TEX15: variants seen among roughly 807,000 people sequenced by gnomAD.
TEX15 encodes the protein testis expressed 15, meiosis and synapsis associated.
In TEX15, 171 loss-of-function variants were observed where a neutral mutation model predicts 237.3. That is an observed-to-expected ratio of 0.72 (90% CI 0.64 to 0.82). The LOEUF (loss-of-function observed/expected upper bound fraction) is 0.82, where lower values mean the gene tolerates loss of function less well. TEX15 is among the 40% of genes least tolerant of loss of function. The pLI is 0.00. For synonymous variants in TEX15, 1,338 were observed against 1,269.8 expected, an observed-to-expected ratio of 1.05 and a Z score of -1.14; for missense variants, 3,750 against 3,646.5, an observed-to-expected ratio of 1.03 and a Z score of -0.73.
At chr8:30,858,016 C>A (rs1359783698) in intron 7 of TEX15, among the ~76,000 whole-genome samples, 3 of 152,024 alleles carry the variant, frequency 2.0e-5, no homozygotes, top group African/African-American at 7.3e-5. Flanking sequence ...AATTCTTGCA[C>A]ATATGCCATG....
intron 3 of TEX15, among the ~76,000 whole-genome samples, chr8:30,876,667 A>G (rs1808404928): frequency 6.6e-6 from 1 of 152,152 alleles, no homozygotes. Context: ...TTTTCTCTGT[A>G]AGGCATATCA....
At chr8:30,871,211 C>G (rs1276007427) in intron 4 of TEX15, among the ~76,000 whole-genome samples, 1 of 152,012 alleles carries the variant, frequency 6.6e-6, no homozygotes, top group African/African-American at 2.4e-5. Flanking sequence ...CCTGCAAAGT[C>G]CTTTCTGCTA....
Position 30,845,226 on chromosome 8 carries a change from A to C in TEX15, c.4941T>G (p.Thr1647=). 1 of 1,613,582 alleles carries C rather than the reference A, an allele frequency of 6.2e-7. No homozygotes were observed. Among genetic ancestry groups the C allele is most frequent in the Non-Finnish European group, 8.5e-7 (1 of 1,179,552 alleles). Reference sequence around the variant, plus strand: ...AATCTAAGACTGATATAAGTACGTCAGTTTTCGCCTTTGTGTGACCTATGC... The same window carrying C: ...AATCTAAGACTGATATAAGTACGTCCGTTTTCGCCTTTGTGTGACCTATGC... ...ATCIGHTKAK[T]DVLISVLDSN... is the part of the protein sequence containing the mutation. The change falls in exon 8 of 11, where the codon ACT becomes ACG. Residue 1647 remains threonine (T), a synonymous_variant. Transcript: ENST00000643185.
intron 2 of TEX15, among the ~76,000 whole-genome samples, chr8:30,890,799 C>G (rs375720518): frequency 3.0e-4 from 46 of 151,944 alleles, no homozygotes; most frequent in African/African-American, 1.1e-3. Flanking sequence ...CCTTTGAAAA[C>G]TTGGTAAATA....
chr8:30,895,675 G>GTT (rs1563276129), intron 2 of TEX15, among the ~76,000 whole-genome samples: 2 of 76,968 alleles, frequency 2.6e-5, no homozygotes, highest in African/African-American at 2.0e-4. Context: ...TTAAACACAT[G>GTT]CTTTTTTTTT....
chr8:30,907,774 CAAA>C (rs35997250), intron 1 of TEX15, among the ~76,000 whole-genome samples: 2 of 111,562 alleles, frequency 1.8e-5, no homozygotes, highest in Non-Finnish European at 3.6e-5. Context: ...ATAATTACAC[CAAA>C]AAAAAAAAAA....
At chr8:30,904,745 C>A (rs1263956825) in intron 1 of TEX15, among the ~76,000 whole-genome samples, 1 of 152,172 alleles carries the variant, frequency 6.6e-6, no homozygotes, top group African/African-American at 2.4e-5. Flanking sequence ...ATTAAACTAT[C>A]TTTCTGTGTT....
chr8:30,877,952 T>C (rs568537117), intron 3 of TEX15, among the ~76,000 whole-genome samples: 1 of 152,292 alleles, frequency 6.6e-6, no homozygotes, highest in East Asian at 1.9e-4. Context: ...ATATATTTTT[T>C]CATACTGAAA....
At chr8:30,901,149 A>G (rs768412149) in intron 1 of TEX15, among the ~76,000 whole-genome samples, 1 of 152,194 alleles carries the variant, frequency 6.6e-6, no homozygotes, top group Non-Finnish European at 1.5e-5. Flanking sequence ...AAACAAACAA[A>G]CAAAAAAAGA....
chr8:30,860,873 G>T (rs988210327), intron 5 of TEX15, among the ~76,000 whole-genome samples: 2 of 151,920 alleles, frequency 1.3e-5, no homozygotes, highest in Non-Finnish European at 2.9e-5. Context: ...TTAAAAATGG[G>T]GTTTAATTTT....
chr8:30,844,869 A>C lies in TEX15; in HGVS notation c.5298T>G (p.Leu1766=), dbSNP rs772142161. 1.6e-5 allele frequency: 26 copies of C among 1,613,328 alleles called. No individual in the cohort carries two copies. Among genetic ancestry groups the C allele is most frequent in the Non-Finnish European group, 2.1e-5 (25 of 1,179,580 alleles). The part of the protein sequence containing the change: ...HCEQSCREKE[L]LKTEQCSSGN... ...CTGAAGAGCACTGTTCTGTCTTTAG[A>C]AGCTCTTTTTCTCTACAGCTCTGCT... Residue 1766 remains leucine, a synonymous_variant, in exon 8 of 11, where the codon CTT becomes CTG. Transcript: ENST00000643185.
At chr8:30,891,879 T>C (rs1808801772) in intron 2 of TEX15, among the ~76,000 whole-genome samples, 1 of 152,276 alleles carries the variant, frequency 6.6e-6, no homozygotes, top group Non-Finnish European at 1.5e-5. Context: ...TTGTTTATTC[T>C]ATGTATTTGC....
intron 7 of TEX15, among the ~76,000 whole-genome samples, chr8:30,849,623 C>T (rs1423870592): frequency 6.6e-6 from 1 of 152,022 alleles, no homozygotes; most frequent in Non-Finnish European, 1.5e-5. Flanking sequence ...TAAATAGGGG[C>T]TGGGCACGGT....
chr8:30,905,791 C>G (rs967850496), intron 1 of TEX15, among the ~76,000 whole-genome samples: 1 of 148,976 alleles, frequency 6.7e-6, no homozygotes, highest in Non-Finnish European at 1.5e-5. Flanking sequence ...GTATTCCCAG[C>G]TGCTCGGGAT....
chr8:30,867,565 A>G (rs1808200920), intron 4 of TEX15, 63 bp from the exon 5 acceptor site: 2 of 913,406 alleles, frequency 2.2e-6, no homozygotes, highest in Admixed American at 4.4e-5. Context: ...TCAAGAAGAT[A>G]CATATTTCCA....
Position 30,842,574 on chromosome 8 carries a change from A to G in TEX15, c.7593T>C (p.Ala2531=), listed in dbSNP as rs774188537. 1 of 1,610,526 alleles carries G rather than the reference A, an allele frequency of 6.2e-7. No homozygotes were observed. Among genetic ancestry groups the G allele is most frequent in the East Asian group, 2.2e-5 (1 of 44,844 alleles). ...AATGAATAGCATATGAGCAATTAACAGCTTCATTATATTTGCAGATAATAT... is the reference window on the plus strand; with the variant it reads ...AATGAATAGCATATGAGCAATTAACGGCTTCATTATATTTGCAGATAATAT... ...DLDIICKYNE[A]VNCSYAIHLL... Residue 2531 remains alanine (A), a synonymous_variant, in exon 8 of 11, where the codon GCT becomes GCC. Coordinates refer to ENST00000643185, the MANE Select transcript of TEX15 (RefSeq NM_001350162.2).
At chr8:30,912,578 G>C (rs1370193255) in intron 1 of TEX15, among the ~76,000 whole-genome samples, 1 of 152,218 alleles carries the variant, frequency 6.6e-6, no homozygotes, top group East Asian at 1.9e-4. Context: ...AGCGGGGGCA[G>C]AGGGAGAGCG....
intron 10 of TEX15, among the ~76,000 whole-genome samples, chr8:30,834,682 T>G (rs575519072): frequency 2.6e-5 from 4 of 152,148 alleles, no homozygotes; most frequent in African/African-American, 4.8e-5. Context: ...GGGAGAACAT[T>G]AAGTTGTTCA....
intron 7 of TEX15, 50 bp from the exon 8 acceptor site, chr8:30,849,366 C>A: frequency 1.8e-6 from 2 of 1,101,740 alleles, no homozygotes; most frequent in South Asian, 1.6e-5. Flanking sequence ...TTTCTATAGA[C>A]AACTATTAAT....
Sources: allele counts gnomAD v4.1 joint callset (sites outside exome capture counted in the v4.1 genomes callset), GRCh38; gene constraint gnomAD v4.1.1; transcripts MANE v1.5; gene names NCBI Gene and HGNC (gene_info 2026-07-23, HGNC 2026-07-21).